Variants in TENM4 observed in about 807,000 individuals in gnomAD.
TENM4 encodes teneurin transmembrane protein 4, also known as teneurin-4.
TENM4 carries 82 observed loss-of-function variants against 243.3 expected under a neutral mutation model. The ratio of observed to expected loss-of-function variants is 0.34; its 90% CI spans 0.28 to 0.40. TENM4 has a LOEUF of 0.40. Among genes scored for constraint, TENM4 ranks in the 10% least tolerant of loss-of-function variants. TENM4 has a pLI of 1.00. For synonymous variants in TENM4, 1,412 were observed against 1,456.3 expected, an observed-to-expected ratio of 0.97 and a Z score of 0.69; for missense variants, 3,138 against 3,673.3, an observed-to-expected ratio of 0.85 and a Z score of 3.77.
chr11:78,939,998 A>G (rs904207886), intron 6 of TENM4, among the ~76,000 whole-genome samples: 53 of 152,278 alleles, frequency 3.5e-4, no homozygotes, highest in Middle Eastern at 3.4e-3. Flanking sequence ...ATAGAAGAAA[A>G]AAGTACAAAG....
intron 4 of TENM4, among the ~76,000 whole-genome samples, chr11:79,119,094 CA>C (rs1397146136): frequency 6.6e-6 from 1 of 152,152 alleles, no homozygotes; most frequent in Non-Finnish European, 1.5e-5. Flanking sequence ...AAGTGGTAGT[CA>C]GACATCATTC....
At chr11:78,801,069 T>C (rs1857271418) in intron 15 of TENM4, among the ~76,000 whole-genome samples, 1 of 152,142 alleles carries the variant, frequency 6.6e-6, no homozygotes. Flanking sequence ...CTCTATCCTG[T>C]GGCTTGTCAG....
intron 6 of TENM4, among the ~76,000 whole-genome samples, chr11:79,007,997 G>T (rs1419395550): frequency 6.6e-6 from 1 of 152,140 alleles, no homozygotes; most frequent in South Asian, 2.1e-4. Flanking sequence ...TTTCAAACCC[G>T]CAGCTCTTGG....
intron 1 of TENM4, among the ~76,000 whole-genome samples, chr11:79,301,384 C>T (rs1056268641): frequency 6.6e-6 from 1 of 152,152 alleles, no homozygotes; most frequent in Non-Finnish European, 1.5e-5. Context: ...CTGGGTGCTG[C>T]TCCCTTGGGC....
intron 6 of TENM4, among the ~76,000 whole-genome samples, chr11:78,969,251 G>A (rs77935599): frequency 0.05 from 7,550 of 152,238 alleles, 245 homozygotes; most frequent in African/African-American, 0.089. Flanking sequence ...GTGTTATTTG[G>A]TGATATCAAA....
intron 4 of TENM4, among the ~76,000 whole-genome samples, chr11:79,136,180 T>G (rs974806843): frequency 6.6e-6 from 1 of 152,078 alleles, no homozygotes; most frequent in Non-Finnish European, 1.5e-5. Flanking sequence ...CCCAATAACT[T>G]ATTGAAATAT....
chr11:78,941,789 C>G (rs1250145990), intron 6 of TENM4, among the ~76,000 whole-genome samples: 3 of 152,234 alleles, frequency 2.0e-5, no homozygotes, highest in South Asian at 2.1e-4. Context: ...AGAGAGCTGA[C>G]TCTGACACAA....
chr11:79,392,474 G>A (rs371843770), intron 1 of TENM4, among the ~76,000 whole-genome samples: 1 of 152,314 alleles, frequency 6.6e-6, no homozygotes, highest in Non-Finnish European at 1.5e-5. Flanking sequence ...CTTTAGAAAA[G>A]GAAAGTCGCA....
At chr11:78,993,850 C>G (rs1002812104) in intron 6 of TENM4, among the ~76,000 whole-genome samples, 3 of 152,122 alleles carry the variant, frequency 2.0e-5, no homozygotes, top group South Asian at 2.1e-4. Context: ...ATCTATGTTT[C>G]TACTGAGTAA....
At chr11:79,144,435 C>A (rs892405995) in intron 4 of TENM4, among the ~76,000 whole-genome samples, 2 of 151,972 alleles carry the variant, frequency 1.3e-5, no homozygotes, top group Admixed American at 6.6e-5. Context: ...TAGGTACATA[C>A]CCCAAAGAAA....
rs147613098 is a variant in TENM4 at position 78,934,596 on chromosome 11, A to G, written c.494-31073T>C. 2.8e-3 allele frequency among the ~76,000 whole-genome samples: 431 copies of G among 152,334 alleles called. 3 individuals are homozygous for G. Among genetic ancestry groups the G allele is most frequent in the African/African-American group, 9.7e-3 (405 of 41,572 alleles). The stretch of plus-strand genomic sequence containing the variant: ...TAGGAGTGCTTATGTACATCACAGA[A>G]AGGCATTCTCTCTTCCCAGAGTGAA... On this transcript the variant is annotated intron_variant, in intron 6 of 33. Coordinates refer to ENST00000278550, the MANE Select transcript of TENM4 (RefSeq NM_001098816.3).
chr11:79,351,810 T>A (rs1333709893), intron 1 of TENM4, among the ~76,000 whole-genome samples: 1 of 152,168 alleles, frequency 6.6e-6, no homozygotes, highest in Admixed American at 6.5e-5. Context: ...TCCTCTGACA[T>A]CCCTTTTTTC....
At chr11:79,134,510 T>C (rs545278084) in intron 4 of TENM4, among the ~76,000 whole-genome samples, 1 of 152,188 alleles carries the variant, frequency 6.6e-6, no homozygotes, top group Admixed American at 6.5e-5. Context: ...AAAATTCATA[T>C]GGAACAGAAA....
At chr11:79,206,847 C>T (rs1261580623) in intron 3 of TENM4, among the ~76,000 whole-genome samples, 1 of 152,176 alleles carries the variant, frequency 6.6e-6, no homozygotes, top group Non-Finnish European at 1.5e-5. Flanking sequence ...ATACACGCTC[C>T]TCACCATGTA....
At chr11:78,886,761 G>A (rs192965193) in intron 9 of TENM4, among the ~76,000 whole-genome samples, 12 of 152,304 alleles carry the variant, frequency 7.9e-5, no homozygotes, top group Admixed American at 6.5e-4. Context: ...CCTTGTATAT[G>A]AGCCCTAGCA....
At chr11:78,712,399 G>T in intron 26 of TENM4, 83 bp downstream of exon 26, 1 of 1,380,994 alleles carries the variant, frequency 7.2e-7, no homozygotes, top group Non-Finnish European at 9.9e-7. Context: ...AAAAATTTTT[G>T]CAATATTAAT....
rs1864036790 is a variant in TENM4, at chr11:79,215,608, C to T, written c.-163+200G>A. Among the ~76,000 whole-genome samples, 2 of 152,224 alleles carry T rather than the reference C, an allele frequency of 1.3e-5. 1 individual carries two copies. Among genetic ancestry groups the T allele is most frequent in the South Asian group, 4.1e-4 (2 of 4,828 alleles). On this transcript the variant is annotated intron_variant, in intron 3 of 33. Transcript: ENST00000278550. ...CAGCTTGGTTTCCAGCAACCGTTGC[C>T]ACCTACCAGTCCTACTGCATCTGTT...
chr11:79,169,378 A>C lies in TENM4; in HGVS notation c.-162-20572T>G, dbSNP rs571880640. Among the ~76,000 whole-genome samples the C allele has an allele frequency of 2.6e-5, 4 of 152,272 alleles. No homozygotes were observed. In the East Asian group the frequency reaches 7.7e-4, roughly 29 times the overall value. On this transcript the variant is annotated intron_variant, in intron 3 of 33. Transcript: ENST00000278550. ...TTGAGCATGCCGTTGAGTGATCGCA[A>C]GAGGGAGGGCGGTGGAACTTGGGGA...
In TENM4 at chr11:79,315,263, A is replaced by C. The variant is rs893384626; in HGVS notation, c.-320-17720T>G. 1.3e-5 allele frequency among the ~76,000 whole-genome samples: 2 copies of C among 152,220 alleles called. 1 individual carries two copies. The highest frequency in any genetic ancestry group is 2.9e-5 in the Non-Finnish European group (2 of 68,034). On this transcript the variant is annotated intron_variant, in intron 1 of 33. Coordinates refer to ENST00000278550, the MANE Select transcript of TENM4 (RefSeq NM_001098816.3). ...AAGAGCTGGAATGATTCTCACGAGC[A>C]GAGCTCCCTGGATCCTGTACCTGTC...
Sources: gnomAD v4.1 joint callset for allele counts (sites outside exome capture counted in the v4.1 genomes callset) on GRCh38, gnomAD v4.1.1 for gene constraint, MANE v1.5 for transcripts, NCBI Gene and HGNC (gene_info 2026-07-23, HGNC 2026-07-21) for gene names.